The following MAGI1 variants were observed in gnomAD, a reference collection of about 807,000 sequenced individuals.
MAGI1 encodes membrane-associated guanylate kinase, WW and PDZ domain-containing protein 1.
A neutral mutation model predicts 139.9 loss-of-function variants in MAGI1; 58 were observed. The observed-to-expected ratio is 0.41, with a 90% confidence interval of 0.34 to 0.52. The LOEUF (loss-of-function observed/expected upper bound fraction) is 0.52, where lower values mean the gene tolerates loss of function less well. Among genes scored for constraint, MAGI1 ranks in the 20% least tolerant of loss-of-function variants. The pLI, the probability that MAGI1 is intolerant of heterozygous loss-of-function variation, is 0.12. For missense variants in MAGI1, 1,874 were observed against 1,901.6 expected, an observed-to-expected ratio of 0.99 and a Z score of 0.27; for synonymous variants, 812 against 737.9, an observed-to-expected ratio of 1.10 and a Z score of -1.63.
chr3:65,429,751 T>C lies in MAGI1; in HGVS notation c.1936A>G (p.Ile646Val). ...ATQPELITVHIVKGPMGFGFT... is the reference protein window; with the variant it reads ...ATQPELITVHVVKGPMGFGFT... ...CCAAAGCCCATTGGCCCTTTGACAA[T>C]ATGAACAGTTATGAGTTCTGGCTGA... is the stretch of plus-strand genomic sequence containing the variant. Residue 646 changes from isoleucine to valine, a missense_variant, in exon 12 of 23, where the codon ATT becomes GTT. This residue lies in a region of MAGI1 where 482 missense variants were observed against 509.6 expected (regional missense o/e 0.95). Transcript: ENST00000402939. 6.2e-7 allele frequency: 1 copy of C among 1,613,928 alleles called. No homozygotes were observed.
chr3:65,372,630 T>A (rs752223911), intron 18 of MAGI1, among the ~76,000 whole-genome samples: 24 of 152,222 alleles, frequency 1.6e-4, no homozygotes, highest in Non-Finnish European at 3.2e-4. Context: ...GACCATCTTC[T>A]TTCAATAGAA....
intron 2 of MAGI1, chr3:65,499,030 C>T (rs1470244525): frequency 3.1e-6 from 3 of 976,242 alleles, no homozygotes; most frequent in East Asian, 2.3e-4. Flanking sequence ...AACAGCATGA[C>T]ATCTCAAACA....
At chr3:65,573,202 A>G (rs995196231) in intron 2 of MAGI1, among the ~76,000 whole-genome samples, 7 of 152,242 alleles carry the variant, frequency 4.6e-5, no homozygotes, top group African/African-American at 1.4e-4. Flanking sequence ...CATATTATAC[A>G]ACTCATTTTT....
chr3:65,976,365 A>C (rs1222355705), intron 1 of MAGI1, among the ~76,000 whole-genome samples: 1 of 152,200 alleles, frequency 6.6e-6, no homozygotes, highest in East Asian at 1.9e-4. Flanking sequence ...ATGGTGGCTC[A>C]TGCCTGTAAT....
At chr3:65,906,057 T>A (rs531963298) in intron 1 of MAGI1, among the ~76,000 whole-genome samples, 1 of 152,352 alleles carries the variant, frequency 6.6e-6, no homozygotes, top group African/African-American at 2.4e-5. Flanking sequence ...CATCACTATA[T>A]TTGAGCATGT....
chr3:65,999,187 A>G (rs532391500), intron 1 of MAGI1, among the ~76,000 whole-genome samples: 6 of 152,278 alleles, frequency 3.9e-5, no homozygotes, highest in Admixed American at 2.0e-4. Context: ...TATTAAGCCC[A>G]GCATGCATTA....
At chr3:65,842,413 T>C (rs1575672228) in intron 1 of MAGI1, among the ~76,000 whole-genome samples, 1 of 150,768 alleles carries the variant, frequency 6.6e-6, no homozygotes, top group Non-Finnish European at 1.5e-5. Flanking sequence ...CAGGCTGGAG[T>C]GCAATGGCGC....
rs1020905876 is a variant in MAGI1, at chr3:65,375,855, C to T, written c.3086G>A (p.Arg1029Gln). The change falls in exon 18 of 23, where the codon CGG (arginine) becomes CAG (glutamine). Residue 1029 changes from arginine (R) to glutamine (Q), a missense_variant. Physicochemically the swap from Arg to Gln is conservative, Grantham distance 43. This residue lies in a region of MAGI1 where 653 missense variants were observed against 644.5 expected (regional missense o/e 1.01). Coordinates refer to ENST00000402939, the MANE Select transcript of MAGI1 (RefSeq NM_001033057.2). ...GGAACATCCATTTACTGCCAAGATC[C>T]GGTCTCCTACTTTCAGCTTGCCACA... ...DRCGKLKVGDRILAVNGCSIT... is the reference protein window; with the variant it reads ...DRCGKLKVGDQILAVNGCSIT... 13 of 1,614,112 alleles carry T rather than the reference C, an allele frequency of 8.1e-6. No individual in the cohort carries two copies. The highest frequency in any genetic ancestry group is 9.3e-6 in the Non-Finnish European group (11 of 1,180,000).
At chr3:65,997,267 C>T (rs1178713189) in intron 1 of MAGI1, among the ~76,000 whole-genome samples, 1 of 152,180 alleles carries the variant, frequency 6.6e-6, no homozygotes, top group African/African-American at 2.4e-5. Context: ...CCTCCACCAA[C>T]TTATCCACAG....
chr3:65,384,692 C>CA (rs1364502275), intron 14 of MAGI1, among the ~76,000 whole-genome samples: 1 of 152,130 alleles, frequency 6.6e-6, no homozygotes, highest in Non-Finnish European at 1.5e-5. Flanking sequence ...ATGATTGCCC[C>CA]AGTGCACTCC....
At chr3:65,778,451 A>AAAAAAAAAAAAG (rs1180962724) in intron 1 of MAGI1, among the ~76,000 whole-genome samples, 924 of 60,900 alleles carry the variant, frequency 0.015, 59 homozygotes, top group Admixed American at 0.026. Flanking sequence ...AAAATAAATA[A>AAAAAAAAAAAAG]ATAAGTCTTT....
intron 1 of MAGI1, 121 bp downstream of exon 1, chr3:66,037,875 C>T: frequency 6.8e-7 from 1 of 1,473,932 alleles, no homozygotes; most frequent in Non-Finnish European, 9.1e-7. Context: ...CCACAGGGCG[C>T]ACGGCCTCAA....
chr3:65,909,130 GC>G (rs2061556303), intron 1 of MAGI1, among the ~76,000 whole-genome samples: 1 of 152,104 alleles, frequency 6.6e-6, no homozygotes, highest in Non-Finnish European at 1.5e-5. Context: ...GCCTCATGAA[GC>G]TACCCTCAAA....
At chr3:65,448,300 A>G in intron 6 of MAGI1, 2 of 584,170 alleles carry the variant, frequency 3.4e-6, no homozygotes, top group Non-Finnish European at 6.1e-6. Context: ...TTGCATGTCA[A>G]AATAGGATTT....
chr3:65,679,656 A>G (rs2087441697), intron 1 of MAGI1, among the ~76,000 whole-genome samples: 1 of 152,194 alleles, frequency 6.6e-6, no homozygotes, highest in Admixed American at 6.5e-5. Flanking sequence ...AACCAGATAC[A>G]GGGAGCATCC....
In MAGI1 at chr3:65,644,423, A is replaced by T. The variant is rs541650774; in HGVS notation, c.314-22335T>A. 1.8e-3 allele frequency among the ~76,000 whole-genome samples: 274 copies of T among 151,562 alleles called. 1 individual carries two copies. The highest frequency in any genetic ancestry group is 6.3e-3 in the African/African-American group (261 of 41,476). ...AAGTATAAAACCTCAGCCCAAAAAAAAAAAAAAAAACCCAGAAGACATAGC... is the reference window on the plus strand; with the variant it reads ...AAGTATAAAACCTCAGCCCAAAAAATAAAAAAAAAACCCAGAAGACATAGC... On this transcript the variant is annotated intron_variant, in intron 1 of 22. Coordinates refer to ENST00000402939, the MANE Select transcript of MAGI1 (RefSeq NM_001033057.2).
At chr3:65,916,927 A>G (rs1434968956) in intron 1 of MAGI1, among the ~76,000 whole-genome samples, 2 of 152,238 alleles carry the variant, frequency 1.3e-5, no homozygotes, top group Non-Finnish European at 2.9e-5. Flanking sequence ...AATCTTGGAT[A>G]ATCATACACG....
chr3:65,869,934 G>A (rs1473056492), intron 1 of MAGI1, among the ~76,000 whole-genome samples: 1 of 151,652 alleles, frequency 6.6e-6, no homozygotes, highest in African/African-American at 2.4e-5. Context: ...TAAGCGTTCA[G>A]TGCATCTCTC....
chr3:66,002,965 C>T (rs1490378595), intron 1 of MAGI1, among the ~76,000 whole-genome samples: 2 of 152,128 alleles, frequency 1.3e-5, no homozygotes, highest in Non-Finnish European at 2.9e-5. Flanking sequence ...ATTAATAGTA[C>T]AGAGCTGGAA....
Sources: gnomAD v4.1 joint callset for allele counts (sites outside exome capture counted in the v4.1 genomes callset) on GRCh38, gnomAD v4.1.1 for gene constraint, gnomAD v4.1.1 regional missense constraint, MANE v1.5 for transcripts, NCBI Gene and HGNC (gene_info 2026-07-23, HGNC 2026-07-21) for gene names.